Variants in WDR59 observed in about 807,000 individuals in gnomAD.
WDR59 encodes the protein WD repeat domain 59, also known as GATOR2 complex protein WDR59.
In WDR59, 100 loss-of-function variants were observed where a neutral mutation model predicts 131.2. The ratio of observed to expected loss-of-function variants is 0.76; its 90% CI spans 0.65 to 0.90. WDR59 has a LOEUF of 0.90. Among genes scored for constraint, WDR59 ranks in the 40% least tolerant of loss-of-function variants. The probability of loss-of-function intolerance (pLI) is 0.00; values close to 1 mark genes in which losing one functional copy is unlikely to be tolerated. For missense variants in WDR59, 1,203 were observed against 1,262.2 expected (o/e 0.95, Z 0.71); for synonymous variants, 601 against 466.2 (o/e 1.29, Z -3.72).
intron 17 of WDR59, among the ~76,000 whole-genome samples, chr16:74,908,544 G>A (rs1597688780): frequency 6.6e-6 from 1 of 152,094 alleles, no homozygotes; most frequent in Non-Finnish European, 1.5e-5. Flanking sequence ...AACTACAGAT[G>A]GTCTTTTGTT....
chr16:74,931,738 G>A (rs2031406237), intron 8 of WDR59, among the ~76,000 whole-genome samples: 2 of 152,096 alleles, frequency 1.3e-5, no homozygotes, highest in Admixed American at 6.6e-5. Flanking sequence ...GCCAGGCATT[G>A]TGGCTTGCAC....
chr16:74,981,660 A>ATATATATTTTTTTTTTTT lies in WDR59; in HGVS notation c.54+3303_54+3304insAAAAAAAAAAAATATATA, dbSNP rs1567451007. 1.5e-3 allele frequency among the ~76,000 whole-genome samples: 120 copies of ATATATATTTTTTTTTTTT among 80,872 alleles called. 3 individuals carry two copies. Among genetic ancestry groups the ATATATATTTTTTTTTTTT allele is most frequent in the Non-Finnish European group, 2.0e-3 (100 of 49,916 alleles). The allele number at this position is 80,872 out of a possible 152,430, so 53.1% of individuals were successfully genotyped here. A position where few individuals can be genotyped will look rare whatever the true frequency, so the allele number is the denominator to read the frequency against. On this transcript the variant is annotated intron_variant, in intron 1 of 25. Transcript: ENST00000262144. ...TATATATATATATATATATATATAT[A>ATATATATTTTTTTTTTTT]TTTTTTTTTTTTTTAGATGGAGTCT...
At chr16:74,937,605 G>A (rs138115296) in intron 8 of WDR59, among the ~76,000 whole-genome samples, 8 of 152,204 alleles carry the variant, frequency 5.3e-5, no homozygotes, top group Non-Finnish European at 8.8e-5. Flanking sequence ...AGGTTCAAGC[G>A]ATTCTTGTGT....
At chr16:74,919,892 G>C (rs920922375) in intron 10 of WDR59, among the ~76,000 whole-genome samples, 1 of 152,002 alleles carries the variant, frequency 6.6e-6, no homozygotes, top group Admixed American at 6.6e-5. Flanking sequence ...GGGCAACATG[G>C]TGAAACTCAT....
At chr16:74,977,040 A>C (rs2034213933) in intron 1 of WDR59, among the ~76,000 whole-genome samples, 1 of 152,044 alleles carries the variant, frequency 6.6e-6, no homozygotes, top group Non-Finnish European at 1.5e-5. Context: ...ATAATCCATA[A>C]ATTTAACTGC....
intron 23 of WDR59, among the ~76,000 whole-genome samples, chr16:74,887,360 T>G (rs111808010): frequency 6.6e-6 from 1 of 151,842 alleles, no homozygotes; most frequent in African/African-American, 2.4e-5. Flanking sequence ...TGGGAAGCGG[T>G]AGGTGGCAGA....
chr16:74,983,751 G>T (rs927408658), intron 1 of WDR59, among the ~76,000 whole-genome samples: 3 of 152,026 alleles, frequency 2.0e-5, no homozygotes, highest in African/African-American at 7.2e-5. Context: ...TGAGGCAGGG[G>T]GTTCGCTTGA....
chr16:74,983,452 C>T (rs1015501880), intron 1 of WDR59, among the ~76,000 whole-genome samples: 1 of 151,720 alleles, frequency 6.6e-6, no homozygotes. Context: ...CAGTCTGGGT[C>T]ATAGAGTGAG....
chr16:74,978,489 C>A (rs1356244612), intron 1 of WDR59, among the ~76,000 whole-genome samples: 3 of 152,066 alleles, frequency 2.0e-5, no homozygotes, highest in African/African-American at 7.2e-5. Flanking sequence ...AGATTCTGTC[C>A]CTTCAAAAAA....
chr16:74,892,376 C>T (rs1965085200), intron 20 of WDR59, 108 bp downstream of exon 20: 1 of 971,804 alleles, frequency 1.0e-6, no homozygotes, highest in South Asian at 1.6e-5. Context: ...AAATGAATTC[C>T]AAATTAAGAC....
chr16:74,906,516 T>C (rs4628995), intron 17 of WDR59, among the ~76,000 whole-genome samples: 54,260 of 151,682 alleles, frequency 0.36, 9,730 homozygotes, highest in Middle Eastern at 0.4. Context: ...ATCTGATGAC[T>C]GAGGAATTCT....
intron 8 of WDR59, among the ~76,000 whole-genome samples, chr16:74,927,849 G>T (rs766018573): frequency 2.0e-5 from 3 of 151,124 alleles, no homozygotes; most frequent in Non-Finnish European, 4.4e-5. Context: ...CCAGATGCTG[G>T]ACTTGAAGAG....
chr16:74,945,718 C>T (rs964306487), intron 6 of WDR59, among the ~76,000 whole-genome samples: 3 of 152,144 alleles, frequency 2.0e-5, no homozygotes, highest in East Asian at 1.9e-4. Context: ...TGCTCAGTCC[C>T]CCTTATCCGC....
At chr16:74,896,020 G>A (rs1965281145) in intron 18 of WDR59, among the ~76,000 whole-genome samples, 1 of 151,772 alleles carries the variant, frequency 6.6e-6, no homozygotes, top group African/African-American at 2.4e-5. Flanking sequence ...ACTTTAAAAA[G>A]CCCAGGAAAC....
chr16:74,909,553 C>A lies in WDR59; in HGVS notation c.1590G>T (p.Gln530His). Residue 530 changes from glutamine to histidine, a missense_variant, in exon 16 of 26, where the codon CAG (glutamine) becomes CAT (histidine). Coordinates refer to ENST00000262144, the MANE Select transcript of WDR59 (RefSeq NM_030581.4). Reference protein sequence around the residue: ...ARVTTAYGSYQDANIPFPRTS... With the variant: ...ARVTTAYGSYHDANIPFPRTS... ...TCCTAGGAAAGGGAATGTTGGCGTC[C>A]TGGTACGACCCGTAAGCCGTGGTCA... 6.2e-7 allele frequency: 1 copy of A among 1,608,040 alleles called. No individual in the cohort carries two copies. Among genetic ancestry groups the A allele is most frequent in the Non-Finnish European group, 8.5e-7 (1 of 1,177,748 alleles).
intron 25 of WDR59, among the ~76,000 whole-genome samples, chr16:74,885,081 C>T (rs750966539): frequency 2.0e-5 from 3 of 152,200 alleles, no homozygotes; most frequent in Non-Finnish European, 2.9e-5. Context: ...GTCGGACACA[C>T]AGTGGAATAA....
At chr16:74,913,969 G>C (rs751009455) in intron 13 of WDR59, among the ~76,000 whole-genome samples, 2 of 152,204 alleles carry the variant, frequency 1.3e-5, no homozygotes, top group Non-Finnish European at 2.9e-5. Context: ...CACTTTGGGA[G>C]GCCAAGGTGG....
At position 74,906,713 on chromosome 16, in the gene WDR59, A is replaced by G. The variant is rs907833830; in HGVS notation, c.1712+2195T>C. Among the ~76,000 whole-genome samples, 20 of 152,352 alleles carry G rather than the reference A, an allele frequency of 1.3e-4. 2 individuals are homozygous for G. The highest frequency in any genetic ancestry group is 5.2e-4 in the Admixed American group (8 of 15,308). On this transcript the variant is annotated intron_variant, in intron 17 of 25. Coordinates refer to ENST00000262144, the MANE Select transcript of WDR59 (RefSeq NM_030581.4). ...AGCAATGTGGATCAATGTCAATAAC[A>G]TTAAGTTGAGCAAAGTAAGCCAGAC...
rs958649235 is a variant in WDR59 at position 74,872,594 on chromosome 16, A to G, written c.*1615T>C. 1 of 152,012 alleles carries G rather than the reference A, an allele frequency of 6.6e-6. No individual in the cohort carries two copies. The highest frequency in any genetic ancestry group is 2.4e-5 in the African/African-American group (1 of 41,404). 9.4% of individuals were successfully genotyped at this position (152,012 alleles called of 1,614,324 possible). On this transcript the variant is annotated 3_prime_UTR_variant, in exon 26 of 26. Coordinates refer to ENST00000262144, the MANE Select transcript of WDR59 (RefSeq NM_030581.4). ...AAAAAAAAAAAAAAAATTTAACTTTAAAAAAGAAAATCATTCTGAAGAATT... is the reference window on the plus strand; with the variant it reads ...AAAAAAAAAAAAAAAATTTAACTTTGAAAAAGAAAATCATTCTGAAGAATT...
Sources: gnomAD v4.1 joint callset for allele counts (sites outside exome capture counted in the v4.1 genomes callset) on GRCh38, gnomAD v4.1.1 for gene constraint, MANE v1.5 for transcripts, NCBI Gene and HGNC (gene_info 2026-07-23, HGNC 2026-07-21) for gene names.